MND1: variants seen among roughly 807,000 people sequenced by gnomAD.
MND1 encodes the protein meiotic nuclear divisions 1, also known as meiotic nuclear division protein 1 homolog.
Under a neutral mutation model 35.1 loss-of-function variants are expected in MND1, and 28 were observed. The ratio of observed to expected loss-of-function variants is 0.80; its 90% CI spans 0.59 to 1.09. MND1 has a LOEUF of 1.09. Ranked by LOEUF, MND1 falls within the 50% of genes least tolerant of loss-of-function variation. The pLI, the probability that MND1 is intolerant of heterozygous loss-of-function variation, is 0.00. For missense variants in MND1, 213 were observed against 239.6 expected, an observed-to-expected ratio of 0.89 and a Z score of 0.73; for synonymous variants, 69 against 70.5, an observed-to-expected ratio of 0.98 and a Z score of 0.11.
intron 2 of MND1, among the ~76,000 whole-genome samples, chr4:153,350,547 C>T (rs1270984327): frequency 1.3e-5 from 2 of 152,166 alleles, no homozygotes; most frequent in Non-Finnish European, 2.9e-5. Flanking sequence ...AATACTATGT[C>T]TTTGCATTTT....
intron 4 of MND1, among the ~76,000 whole-genome samples, chr4:153,368,799 T>C (rs553145300): frequency 6.6e-6 from 1 of 151,444 alleles, no homozygotes; most frequent in East Asian, 1.9e-4. Context: ...TACTACTGTT[T>C]TGTAGCCTTT....
chr4:153,356,346 G>T (rs1386842420), intron 3 of MND1, among the ~76,000 whole-genome samples: 1 of 151,888 alleles, frequency 6.6e-6, no homozygotes, highest in Non-Finnish European at 1.5e-5. Flanking sequence ...ATGAGGTCAG[G>T]AGATCAAGAC....
intron 4 of MND1, among the ~76,000 whole-genome samples, chr4:153,362,531 G>A (rs1028153736): frequency 1.3e-5 from 2 of 152,184 alleles, no homozygotes; most frequent in Admixed American, 6.5e-5. Flanking sequence ...AGTAGAGCCT[G>A]CAGAAGCATG....
intron 7 of MND1, among the ~76,000 whole-genome samples, 182 bp from the exon 8 acceptor site, chr4:153,414,569 C>T (rs1729782444): frequency 6.6e-6 from 1 of 152,156 alleles, no homozygotes; most frequent in Non-Finnish European, 1.5e-5. Context: ...AGGCATGAGC[C>T]ACCGCACCTG....
At chr4:153,358,710 G>A in intron 4 of MND1, 88 bp downstream of exon 4, 1 of 1,333,606 alleles carries the variant, frequency 7.5e-7, no homozygotes, top group South Asian at 1.8e-5. Context: ...AGTTTCTTTT[G>A]AATTTTTGAT....
At position 153,387,890 on chromosome 4, in the gene MND1, C is replaced by T. The variant is rs76144037; in HGVS notation, c.277-6372C>T. On this transcript the variant is annotated intron_variant, in intron 4 of 7. Transcript: ENST00000240488. ...AATTTTGATAAAGCAGTAGACTGAT[C>T]TAGTTGCTTTTGCTATTATCTCTTT... is the stretch of plus-strand genomic sequence containing the variant. Among the ~76,000 whole-genome samples the T allele has an allele frequency of 3.0e-3, 457 of 151,046 alleles. 15 individuals carry two copies. The East Asian group carries it at 0.063, about 21-fold the overall frequency.
chr4:153,385,199 G>T (rs1414058712), intron 4 of MND1, among the ~76,000 whole-genome samples: 1 of 152,086 alleles, frequency 6.6e-6, no homozygotes, highest in African/African-American at 2.4e-5. Flanking sequence ...CTTATTCTTG[G>T]ACACTTTGTT....
At chr4:153,359,112 A>C in intron 4 of MND1, among the ~76,000 whole-genome samples, 1 of 152,230 alleles carries the variant, frequency 6.6e-6, no homozygotes, top group East Asian at 1.9e-4. Flanking sequence ...GAGTTTTGAC[A>C]AATGCATGAT....
rs1433929410 is a variant in MND1, at chr4:153,355,849, AT to A, written c.127+139del. On this transcript the variant is annotated intron_variant, in intron 3 of 7. Coordinates refer to ENST00000240488, the MANE Select transcript of MND1 (RefSeq NM_032117.4). ...AACCTAAATTTCTAGAGACAAAGAA[AT>A]CATCACCATCCAAAGATAACCACTG... 1.3e-5 allele frequency: 8 copies of A among 611,746 alleles called. No homozygotes were observed. The Admixed American group carries it at 2.4e-4, about 18-fold the overall frequency. The allele number at this position is 611,746 out of a possible 1,614,324, so 37.9% of individuals were successfully genotyped here. A position where few individuals can be genotyped will look rare whatever the true frequency, so the allele number is the denominator to read the frequency against.
At chr4:153,350,966 A>AAAAC (rs1398300250) in intron 2 of MND1, among the ~76,000 whole-genome samples, 4 of 151,482 alleles carry the variant, frequency 2.6e-5, no homozygotes, top group Non-Finnish European at 4.4e-5. Context: ...AAAAAAAAAA[A>AAAAC]AAACAAACAA....
chr4:153,384,756 G>A (rs1728807661), intron 4 of MND1, among the ~76,000 whole-genome samples: 2 of 152,092 alleles, frequency 1.3e-5, no homozygotes, highest in South Asian at 4.1e-4. Context: ...TACTTATTAA[G>A]TGGCTTCACT....
intron 1 of MND1, among the ~76,000 whole-genome samples, chr4:153,348,716 G>T (rs967453976): frequency 1.3e-5 from 2 of 151,720 alleles, no homozygotes; most frequent in South Asian, 2.1e-4. Flanking sequence ...TTGCTTTGTT[G>T]CCCAGGCTGG....
At chr4:153,355,819 T>C (rs1295343267) in intron 3 of MND1, 108 bp downstream of exon 3, 2 of 720,030 alleles carry the variant, frequency 2.8e-6, no homozygotes, top group East Asian at 2.6e-5. Context: ...TTTCACTTTA[T>C]GGAAAACCTA....
intron 4 of MND1, among the ~76,000 whole-genome samples, chr4:153,373,918 C>T (rs1405335515): frequency 6.6e-6 from 1 of 152,128 alleles, no homozygotes; most frequent in Non-Finnish European, 1.5e-5. Flanking sequence ...TCACCCTGTG[C>T]CCCTCAGCCA....
In MND1 at chr4:153,344,697, C is replaced by T. The variant is rs1360756406; in HGVS notation, c.-41C>T. 1.1e-5 allele frequency: 17 copies of T among 1,569,116 alleles called. No individual in the cohort carries two copies. In the South Asian group the frequency reaches 2.0e-4, roughly 18 times the overall value. On this transcript the variant is annotated 5_prime_UTR_variant, in exon 1 of 8. Transcript: ENST00000240488. ...TCCTGGCCTGTCCCGCCCCTCTCCC[C>T]AAGCGCGGGCCCGGCCAGCGGAAGC...
intron 1 of MND1, among the ~76,000 whole-genome samples, chr4:153,349,335 A>G (rs2149627849): frequency 6.6e-6 from 1 of 152,150 alleles, no homozygotes. Flanking sequence ...CTTCTCTTCC[A>G]CATTGCTGCT....
At chr4:153,399,644 G>A (rs1032309500) in intron 6 of MND1, among the ~76,000 whole-genome samples, 1 of 152,160 alleles carries the variant, frequency 6.6e-6, no homozygotes, top group Non-Finnish European at 1.5e-5. Flanking sequence ...CAGAAAAGAA[G>A]TTCAGGGTAT....
At chr4:153,409,698 AATT>A (rs1365808720) in intron 7 of MND1, among the ~76,000 whole-genome samples, 3 of 152,120 alleles carry the variant, frequency 2.0e-5, no homozygotes, top group African/African-American at 7.2e-5. Context: ...AAAATATAAT[AATT>A]TTTTTTCCTA....
chr4:153,355,683 G>A lies in MND1; in HGVS notation c.99G>A (p.Glu33=), dbSNP rs757805061. ...ATGTATTTCAATTAAAAGACTTGGA[G>A]AAGATTGCTCCCAAAGAGAAAGGCA... ...TKDVFQLKDL[E]KIAPKEKGIT... is the part of the protein sequence containing the mutation. Residue 33 remains glutamate, a synonymous_variant, in exon 3 of 8, where the codon GAG becomes GAA. Transcript: ENST00000240488. 70 of 1,590,198 alleles carry A rather than the reference G, an allele frequency of 4.4e-5. No individual in the cohort carries two copies. The highest frequency in any genetic ancestry group is 5.4e-5 in the Non-Finnish European group (63 of 1,160,146).
Sources: allele counts gnomAD v4.1 joint callset (sites outside exome capture counted in the v4.1 genomes callset), GRCh38; gene constraint gnomAD v4.1.1; transcripts MANE v1.5; gene names NCBI Gene and HGNC (gene_info 2026-07-23, HGNC 2026-07-21).